Variants in EHMT1 observed in about 807,000 individuals in gnomAD.
EHMT1 encodes histone-lysine N-methyltransferase EHMT1.
In EHMT1, 15 loss-of-function variants were observed where a neutral mutation model predicts 147.2. That is an observed-to-expected ratio of 0.10 (90% confidence interval 0.07 to 0.16). The LOEUF (loss-of-function observed/expected upper bound fraction) is 0.16, where lower values mean the gene tolerates loss of function less well. Among genes scored for constraint, EHMT1 ranks in the 10% least tolerant of loss-of-function variants. EHMT1 has a pLI of 1.00. For missense variants in EHMT1, 1,587 were observed against 1,772.4 expected (o/e 0.90, Z 1.88); for synonymous variants, 795 against 709.6 (o/e 1.12, Z -1.91).
In EHMT1 at chr9:137,778,045, G is replaced by A. The variant is rs765688421; in HGVS notation, c.2182G>A (p.Asp728Asn). 7.4e-6 allele frequency: 12 copies of A among 1,613,670 alleles called. No homozygotes were observed. Among genetic ancestry groups the A allele is most frequent in the Admixed American group, 3.3e-5 (2 of 59,994 alleles). ...CTTGGAGAGCGCTCTCATCGCCCTC[G>A]ACTCGGAAAAGTAAGACCTGACATG... The part of the protein sequence containing the change: ...ETLESALIAL[D>N]SEKPKKLRFH... The change falls in exon 13 of 27, where the codon GAC (aspartate) becomes AAC (asparagine). Residue 728 changes from aspartate (D) to asparagine (N), a missense_variant. Asp to Asn is a conservative substitution (Grantham distance 23). Coordinates refer to ENST00000460843, the MANE Select transcript of EHMT1 (RefSeq NM_024757.5).
intron 1 of EHMT1, among the ~76,000 whole-genome samples, chr9:137,697,832 G>A (rs1039404007): frequency 5.9e-5 from 9 of 152,190 alleles, no homozygotes; most frequent in Non-Finnish European, 5.9e-5. Flanking sequence ...TAAGTTTTCC[G>A]TTCAGATGAT....
chr9:137,682,043 C>T (rs974740845), intron 1 of EHMT1, among the ~76,000 whole-genome samples: 4 of 152,022 alleles, frequency 2.6e-5, no homozygotes, highest in African/African-American at 4.8e-5. Flanking sequence ...CTCTGCCTCC[C>T]GGATTCACAC....
intron 25 of EHMT1, among the ~76,000 whole-genome samples, chr9:137,822,238 CGGT>C (rs1564826334): frequency 6.6e-6 from 1 of 152,232 alleles, no homozygotes; most frequent in African/African-American, 2.4e-5. Flanking sequence ...TGTTGTTGGA[CGGT>C]GACCCACCTG....
intron 1 of EHMT1, chr9:137,676,078 C>G (rs1367413680): frequency 6.6e-6 from 1 of 151,526 alleles, no homozygotes; most frequent in African/African-American, 2.4e-5. Flanking sequence ...GCCACCGCGC[C>G]CAGCCTAATT....
chr9:137,682,502 C>T (rs933442889), intron 1 of EHMT1, among the ~76,000 whole-genome samples: 1 of 152,190 alleles, frequency 6.6e-6, no homozygotes, highest in Non-Finnish European at 1.5e-5. Flanking sequence ...CTGTAGCGAG[C>T]GTCTCCCTGG....
intron 25 of EHMT1, among the ~76,000 whole-genome samples, chr9:137,825,270 G>A (rs1433167763): frequency 6.6e-6 from 1 of 152,214 alleles, no homozygotes; most frequent in African/African-American, 2.4e-5. Flanking sequence ...GACTCTTGGG[G>A]CTGCCTTAGA....
At chr9:137,822,709 A>G (rs1955511026) in intron 25 of EHMT1, among the ~76,000 whole-genome samples, 1 of 152,098 alleles carries the variant, frequency 6.6e-6, no homozygotes, top group Non-Finnish European at 1.5e-5. Flanking sequence ...CCTGACCAAC[A>G]TGGTGAAACC....
At chr9:137,683,499 G>A (rs1434450037) in intron 1 of EHMT1, among the ~76,000 whole-genome samples, 1 of 152,202 alleles carries the variant, frequency 6.6e-6, no homozygotes, top group Admixed American at 6.5e-5. Context: ...CTGGAGTGCA[G>A]TGGCACAATC....
intron 25 of EHMT1, among the ~76,000 whole-genome samples, chr9:137,824,855 C>T (rs1470542091): frequency 6.6e-6 from 1 of 152,150 alleles, no homozygotes; most frequent in Non-Finnish European, 1.5e-5. Flanking sequence ...ATGAATTCTA[C>T]TCACTTTTTG....
At chr9:137,821,376 G>A (rs887608214) in intron 25 of EHMT1, among the ~76,000 whole-genome samples, 1 of 139,854 alleles carries the variant, frequency 7.2e-6, no homozygotes, top group African/African-American at 2.7e-5. Context: ...TGCCCAGGCT[G>A]GAGTGCAGTG....
intron 1 of EHMT1, among the ~76,000 whole-genome samples, chr9:137,665,612 A>G (rs965920715): frequency 1.3e-5 from 2 of 152,070 alleles, no homozygotes; most frequent in South Asian, 2.1e-4. Context: ...CCCAGATTCC[A>G]TGTCTAGGTT....
chr9:137,832,065 C>T (rs1430952742), intron 25 of EHMT1, among the ~76,000 whole-genome samples: 1 of 151,414 alleles, frequency 6.6e-6, no homozygotes, highest in Non-Finnish European at 1.5e-5. Flanking sequence ...CCTCCACAGG[C>T]TCCGCCTCCT....
At chr9:137,701,776 C>T (rs1409513028) in intron 1 of EHMT1, among the ~76,000 whole-genome samples, 2 of 144,224 alleles carry the variant, frequency 1.4e-5, no homozygotes, top group African/African-American at 5.2e-5. Context: ...TACAGGCACG[C>T]GCCACCATGC....
At chr9:137,713,496 C>T (rs1564622710) in intron 2 of EHMT1, among the ~76,000 whole-genome samples, 1 of 151,750 alleles carries the variant, frequency 6.6e-6, no homozygotes, top group Non-Finnish European at 1.5e-5. Flanking sequence ...TGGTCTCCAT[C>T]TCCTGACCTC....
Position 137,786,734 on chromosome 9 carries a change from C to G in EHMT1, c.2383-4114C>G, listed in dbSNP as rs944511233. 1.3e-5 allele frequency: 2 copies of G among 151,538 alleles called. No individual in the cohort carries two copies. The highest frequency in any genetic ancestry group is 4.9e-5 in the African/African-American group (2 of 40,780). 9.4% of individuals were successfully genotyped at this position (151,538 alleles called of 1,614,324 possible). The stretch of plus-strand genomic sequence containing the variant: ...CTGGGCTCCCATCTTGGCCGTGTGG[C>G]CTCATCTCTCCCGGGCTCCCGTCTT... On this transcript the variant is annotated intron_variant, in intron 15 of 26. Coordinates refer to ENST00000460843, the MANE Select transcript of EHMT1 (RefSeq NM_024757.5). The surrounding 1 kb of genome is among the most constrained non-coding windows in gnomAD (Gnocchi z 4.3).
chr9:137,718,226 C>T (rs574208196), intron 3 of EHMT1, among the ~76,000 whole-genome samples: 16 of 152,260 alleles, frequency 1.1e-4, no homozygotes, highest in Non-Finnish European at 1.5e-4. Context: ...ACACAGGGCA[C>T]GCGTGCTTCT....
At chr9:137,784,218 G>A (rs761722274) in intron 15 of EHMT1, 25 of 1,547,344 alleles carry the variant, frequency 1.6e-5, no homozygotes, top group Non-Finnish European at 2.2e-5. Context: ...AGATGCTCCA[G>A]CACAGCCTTG....
intron 1 of EHMT1, among the ~76,000 whole-genome samples, chr9:137,657,817 C>T (rs150625848): frequency 1.9e-3 from 285 of 151,794 alleles, no homozygotes; most frequent in African/African-American, 6.4e-3. Context: ...CTCCACTCCA[C>T]TGCCCTTCCC....
At chr9:137,819,716 CTGAG>C (rs1296599676) in intron 25 of EHMT1, among the ~76,000 whole-genome samples, 7 of 151,346 alleles carry the variant, frequency 4.6e-5, no homozygotes, top group Non-Finnish European at 8.8e-5. Context: ...TTCTCGGTGA[CTGAG>C]TGAAGCAGCA....
Sources: gnomAD v4.1 joint callset for allele counts (sites outside exome capture counted in the v4.1 genomes callset) on GRCh38, gnomAD v4.1.1 for gene constraint, Gnocchi (gnomAD v3.1) non-coding constraint, MANE v1.5 for transcripts, NCBI Gene and HGNC (gene_info 2026-07-23, HGNC 2026-07-21) for gene names.